The following GPI variants were observed in gnomAD, a reference collection of about 807,000 sequenced individuals.
The protein encoded by GPI is D-hexose-6-phosphate anomerase.
In GPI, 56 loss-of-function variants were observed where a neutral mutation model predicts 75.8. The ratio of observed to expected loss-of-function variants is 0.74; its 90% CI spans 0.60 to 0.92. The LOEUF is 0.92. Ranked by LOEUF, GPI falls within the 40% of genes least tolerant of loss-of-function variation. The pLI is 0.00. For synonymous variants in GPI, 288 were observed against 285.4 expected (o/e 1.01, Z -0.09); for missense variants, 638 against 741.0 (o/e 0.86, Z 1.61).
chr19:34,363,101 A>T (rs2074309768), upstream of GPI, among the ~76,000 whole-genome samples: 1 of 152,064 alleles, frequency 6.6e-6, no homozygotes, highest in Non-Finnish European at 1.5e-5. Flanking sequence ...CCTGAGCAAC[A>T]TGATGAAACC....
intron 9 of GPI, among the ~76,000 whole-genome samples, chr19:34,388,930 A>C (rs2074779683): frequency 6.6e-6 from 1 of 151,828 alleles, no homozygotes. Context: ...CCATCTCTAC[A>C]AAAAATTTAA....
At chr19:34,379,140 G>A in intron 7 of GPI, 135 bp downstream of exon 7, 1 of 783,398 alleles carries the variant, frequency 1.3e-6, no homozygotes, top group Non-Finnish European at 2.3e-6. Flanking sequence ...GCCTGCCTTT[G>A]CTAGATGAGA....
Position 34,379,498 on chromosome 19 carries a change from C to T in GPI, c.706-20C>T, listed in dbSNP as rs1360622106. ...TGTCTCCCTGGGCTGGCTGTGGTAACTTGGCTCTGTCTCTTGTAGCCTTCT... is the reference window on the plus strand; with the variant it reads ...TGTCTCCCTGGGCTGGCTGTGGTAATTTGGCTCTGTCTCTTGTAGCCTTCT... On this transcript the variant is annotated intron_variant, in intron 7 of 17. Coordinates refer to ENST00000356487, the MANE Select transcript of GPI (RefSeq NM_000175.5). The T allele has an allele frequency of 1.9e-6, 3 of 1,613,206 alleles. No homozygotes were observed. Among genetic ancestry groups the T allele is most frequent in the Non-Finnish European group, 2.5e-6 (3 of 1,179,226 alleles).
intron 9 of GPI, among the ~76,000 whole-genome samples, chr19:34,387,065 G>A (rs1599840614): frequency 6.6e-6 from 1 of 152,312 alleles, no homozygotes; most frequent in East Asian, 1.9e-4. Context: ...GCTGGACCCT[G>A]GGAGGCTGTA....
In GPI at chr19:34,400,858, G is replaced by A. The variant is rs1345969272; in HGVS notation, c.*822G>A. 3.0e-6 allele frequency: 1 copy of A among 338,712 alleles called. No individual in the cohort carries two copies. Among genetic ancestry groups the A allele is most frequent in the African/African-American group, 2.1e-5 (1 of 46,906 alleles). The allele number at this position is 338,712 out of a possible 1,614,324, so 21.0% of individuals were successfully genotyped here. ...TCCTGCCTCAGCCTCCCGAGTAGCT[G>A]GGATTACACGGCGCACACCACCATA... On this transcript the variant is annotated 3_prime_UTR_variant, in exon 18 of 18. Transcript: ENST00000356487.
intron 8 of GPI, 89 bp downstream of exon 8, chr19:34,379,651 C>T: frequency 1.9e-6 from 2 of 1,079,124 alleles, no homozygotes; most frequent in Admixed American, 1.7e-5. Flanking sequence ...GTTCGTAGGT[C>T]TGGTGGATCT....
intron 9 of GPI, among the ~76,000 whole-genome samples, chr19:34,381,951 T>TG (rs1053229206): frequency 3.9e-5 from 6 of 151,978 alleles, no homozygotes; most frequent in South Asian, 4.1e-4. Flanking sequence ...CAGGAGGAGC[T>TG]GGGGGGGTGG....
chr19:34,366,009 C>G (rs1255544402), intron 1 of GPI: 5 of 561,980 alleles, frequency 8.9e-6, no homozygotes, highest in South Asian at 3.1e-5. Context: ...CTAGACGTCC[C>G]GATGGCCATC....
At chr19:34,360,826 G>A (rs779005689), upstream of GPI, among the ~76,000 whole-genome samples, 13 of 152,112 alleles carry the variant, frequency 8.5e-5, no homozygotes, top group African/African-American at 1.2e-4. Flanking sequence ...GACCCAGGCC[G>A]GAGTGCAGTG....
chr19:34,396,239 C>CTTTCTTTTTTTTTTTT, intron 12 of GPI, 62 bp from the exon 13 acceptor site: 1 of 1,601,484 alleles, frequency 6.2e-7, no homozygotes, highest in Non-Finnish European at 8.5e-7. Flanking sequence ...CGCTCAGCCT[C>CTTTCTTTTTTTTTTTT]TTTCTTTCTT....
chr19:34,389,537 C>T (rs775854695), intron 9 of GPI, among the ~76,000 whole-genome samples: 1 of 152,184 alleles, frequency 6.6e-6, no homozygotes, highest in Non-Finnish European at 1.5e-5. Flanking sequence ...GGCACCTCTC[C>T]TTCGTGTCTA....
intron 9 of GPI, among the ~76,000 whole-genome samples, chr19:34,386,379 A>G (rs887964998): frequency 1.3e-5 from 2 of 151,252 alleles, no homozygotes; most frequent in Admixed American, 1.3e-4. Context: ...CTGAGAACCC[A>G]GGGTCAAGCA....
chr19:34,377,712 T>C lies in GPI; in HGVS notation c.487-23T>C, dbSNP rs199676097. The C allele has an allele frequency of 5.1e-5, 83 of 1,613,618 alleles. No homozygotes were observed. In the African/African-American group the frequency reaches 1.0e-3, roughly 19 times the overall value. On this transcript the variant is annotated intron_variant, in intron 5 of 17. Transcript: ENST00000356487. ...TTTCGTGGGCCCTGAATTCTTATTCTCTGATGCTATGTCTCCCCGCAGGGA... is the reference window on the plus strand; with the variant it reads ...TTTCGTGGGCCCTGAATTCTTATTCCCTGATGCTATGTCTCCCCGCAGGGA...
At chr19:34,381,095 C>A (rs954092988) in intron 8 of GPI, 8 of 366,352 alleles carry the variant, frequency 2.2e-5, no homozygotes, top group African/African-American at 1.7e-4. Flanking sequence ...GGGTCCCAGT[C>A]CTAGGTTCGG....
At chr19:34,366,514 C>T in intron 2 of GPI, 79 bp downstream of exon 2, 1 of 903,276 alleles carries the variant, frequency 1.1e-6, no homozygotes, top group Non-Finnish European at 1.9e-6. Context: ...TCCCCAGGAC[C>T]TTGAGTATCT....
Position 34,396,405 on chromosome 19 carries a change from T to C in GPI, c.1167T>C (p.His389=), listed in dbSNP as rs773999506. 2 of 1,614,170 alleles carry C rather than the reference T, an allele frequency of 1.2e-6. No individual in the cohort carries two copies. Among genetic ancestry groups the C allele is most frequent in the South Asian group, 2.2e-5 (2 of 91,076 alleles). Residue 389 remains histidine (H), a synonymous_variant, in exon 13 of 18, where the codon CAT becomes CAC. Coordinates refer to ENST00000356487, the MANE Select transcript of GPI (RefSeq NM_000175.5). ...VWGEPGTNGQ[H]AFYQLIHQGT... ...GGGAGCCAGGGACCAATGGCCAGCATGCTTTTTACCAGCTCATCCACCAAG... is the reference window on the plus strand; with the variant it reads ...GGGAGCCAGGGACCAATGGCCAGCACGCTTTTTACCAGCTCATCCACCAAG...
In GPI at chr19:34,400,512, G is replaced by A. The variant is rs1006220550; in HGVS notation, c.*476G>A. 4 of 486,304 alleles carry A rather than the reference G, an allele frequency of 8.2e-6. No individual in the cohort carries two copies. The highest frequency in any genetic ancestry group is 1.1e-5 in the Non-Finnish European group (3 of 278,546). The allele number at this position is 486,304 out of a possible 1,614,324, so 30.1% of individuals were successfully genotyped here. On this transcript the variant is annotated 3_prime_UTR_variant, in exon 18 of 18. Transcript: ENST00000356487. Reference sequence around the variant, plus strand: ...AGTGGGGTGGGGGCACAATCAGTCAGGACGGCAACTTGGCCTGTGTCACCA... The same window carrying A: ...AGTGGGGTGGGGGCACAATCAGTCAAGACGGCAACTTGGCCTGTGTCACCA...
At chr19:34,368,286 C>G (rs1345847603) in intron 3 of GPI, among the ~76,000 whole-genome samples, 1 of 152,232 alleles carries the variant, frequency 6.6e-6, no homozygotes, top group African/African-American at 2.4e-5. Flanking sequence ...GCTCACTGTT[C>G]CTCTTTTCTC....
intron 8 of GPI, among the ~76,000 whole-genome samples, chr19:34,380,100 G>A (rs995311336): frequency 1.4e-5 from 2 of 141,982 alleles, no homozygotes; most frequent in African/African-American, 5.3e-5. Context: ...AGGTTCAAGC[G>A]ATTCTCCTGC....
Sources: gnomAD v4.1 joint callset for allele counts (sites outside exome capture counted in the v4.1 genomes callset) on GRCh38, gnomAD v4.1.1 for gene constraint, MANE v1.5 for transcripts, NCBI Gene and HGNC (gene_info 2026-07-23, HGNC 2026-07-21) for gene names.